DENND1A: variants seen among roughly 807,000 people sequenced by gnomAD.
The protein encoded by DENND1A is DENN domain containing 1A.
DENND1A carries 51 observed loss-of-function variants against 113.7 expected under a neutral mutation model. That is an observed-to-expected ratio of 0.45 (90% confidence interval 0.36 to 0.57). DENND1A has a LOEUF of 0.57. Ranked by LOEUF, DENND1A falls within the 20% of genes least tolerant of loss-of-function variation. The pLI is 0.00. For missense variants in DENND1A, 1,258 were observed against 1,395.9 expected (o/e 0.90, Z 1.57); for synonymous variants, 565 against 570.8 (o/e 0.99, Z 0.14).
intron 1 of DENND1A, among the ~76,000 whole-genome samples, chr9:123,906,550 C>A (rs1852885097): frequency 1.7e-5 from 1 of 57,772 alleles, no homozygotes; most frequent in Non-Finnish European, 2.9e-5. Context: ...CACAGAAATA[C>A]AAACTACCAT....
rs553758132 is a variant in DENND1A, at chr9:123,406,872, G to C, written c.1543-3382C>G. 2.0e-5 allele frequency among the ~76,000 whole-genome samples: 3 copies of C among 152,240 alleles called. No individual in the cohort carries two copies. In the East Asian group the frequency reaches 5.8e-4, roughly 29 times the overall value. On this transcript the variant is annotated intron_variant, in intron 20 of 23. Transcript: ENST00000394215. ...CTTTCAGGAAAGGTCAGACTTTAAG[G>C]CCTGTCAGCTCATCCTTGCACAGGG...
At chr9:123,612,902 A>G (rs1055099764) in intron 10 of DENND1A, among the ~76,000 whole-genome samples, 2 of 152,200 alleles carry the variant, frequency 1.3e-5, no homozygotes, top group East Asian at 1.9e-4. Flanking sequence ...GCAGCAGCAC[A>G]TGGTAGGGTT....
intron 19 of DENND1A, among the ~76,000 whole-genome samples, chr9:123,417,892 G>C (rs141814389): frequency 5.2e-4 from 79 of 152,026 alleles, no homozygotes; most frequent in African/African-American, 1.8e-3. Flanking sequence ...GATTGGGGGG[G>C]GGGCAGTGGT....
At chr9:123,396,268 T>C (rs938884006) in intron 21 of DENND1A, among the ~76,000 whole-genome samples, 5 of 152,200 alleles carry the variant, frequency 3.3e-5, no homozygotes, top group African/African-American at 4.8e-5. Flanking sequence ...GACATGCCCA[T>C]AGCCTCCAGG....
chr9:123,586,452 C>T (rs2059167805), intron 11 of DENND1A, among the ~76,000 whole-genome samples: 2 of 152,148 alleles, frequency 1.3e-5, no homozygotes, highest in African/African-American at 2.4e-5. Flanking sequence ...TGGCAGCAGG[C>T]TGAAGAATAG....
intron 2 of DENND1A, among the ~76,000 whole-genome samples, chr9:123,854,833 T>G (rs1446768110): frequency 6.6e-6 from 1 of 151,200 alleles, no homozygotes; most frequent in Non-Finnish European, 1.5e-5. Flanking sequence ...TATCTTCATC[T>G]TATCAGCTAC....
intron 2 of DENND1A, among the ~76,000 whole-genome samples, chr9:123,854,837 C>T (rs999611919): frequency 6.6e-6 from 1 of 151,080 alleles, no homozygotes; most frequent in Non-Finnish European, 1.5e-5. Flanking sequence ...TTCATCTTAT[C>T]AGCTACCGAG....
At chr9:123,904,562 G>A (rs1373804003) in intron 1 of DENND1A, among the ~76,000 whole-genome samples, 6 of 146,824 alleles carry the variant, frequency 4.1e-5, no homozygotes, top group East Asian at 1.9e-4. Context: ...CGAGAACTAC[G>A]TGAAGAATGC....
At chr9:123,416,113 C>T (rs182242848) in intron 19 of DENND1A, among the ~76,000 whole-genome samples, 6 of 152,218 alleles carry the variant, frequency 3.9e-5, no homozygotes, top group Admixed American at 2.6e-4. Flanking sequence ...GTGTGAGGCC[C>T]GAGAGGACGG....
At chr9:123,407,114 G>C (rs983483973) in intron 20 of DENND1A, among the ~76,000 whole-genome samples, 1 of 142,766 alleles carries the variant, frequency 7.0e-6, no homozygotes, top group African/African-American at 2.5e-5. Flanking sequence ...GGGATCGGTG[G>C]AGGAGACTGC....
intron 23 of DENND1A, among the ~76,000 whole-genome samples, chr9:123,383,330 G>A (rs116578876): frequency 0.015 from 2,319 of 152,318 alleles, 57 homozygotes; most frequent in African/African-American, 0.053. Flanking sequence ...AGGGATGGAC[G>A]CAATCCCGGT....
Position 123,440,380 on chromosome 9 carries a change from T to G in DENND1A, c.1468A>C (p.Ile490Leu). Reference protein sequence around the residue: ...DPKLREDRRPITVHFGQLQRL... With the variant: ...DPKLREDRRPLTVHFGQLQRL... ...CACACCTGTCCAAAGTGGACTGTGA[T>G]TGGCCGCCGGTCTTCTCGGAGCTTG... Residue 490 changes from isoleucine to leucine, a missense_variant, in exon 19 of 24, where the codon ATC (isoleucine) becomes CTC (leucine). Physicochemically the swap from Ile to Leu is conservative, Grantham distance 5 (BLOSUM62 2). Around this residue, in one of 2 missense-constraint regions of DENND1A, gnomAD observed 1,159 missense variants for 1,231.7 expected, o/e 0.94. Transcript: ENST00000394215. 1 of 1,602,342 alleles carries G rather than the reference T, an allele frequency of 6.2e-7. No homozygotes were observed. Among genetic ancestry groups the G allele is most frequent in the African/African-American group, 1.4e-5 (1 of 73,530 alleles).
intron 5 of DENND1A, among the ~76,000 whole-genome samples, chr9:123,706,658 C>G (rs1415371138): frequency 2.0e-5 from 3 of 150,496 alleles, no homozygotes; most frequent in Non-Finnish European, 4.4e-5. Context: ...GTCGTCCCAG[C>G]TACTCGGGAG....
chr9:123,648,699 C>T (rs2062473185), intron 9 of DENND1A, among the ~76,000 whole-genome samples: 1 of 152,184 alleles, frequency 6.6e-6, no homozygotes. Flanking sequence ...TTTAAATAAG[C>T]CTTTCTCTAC....
intron 12 of DENND1A, among the ~76,000 whole-genome samples, chr9:123,568,818 G>A (rs1216951442): frequency 1.3e-5 from 2 of 152,190 alleles, no homozygotes; most frequent in Admixed American, 6.5e-5. Flanking sequence ...AACAAAACAG[G>A]AAGGGGGGTG....
intron 2 of DENND1A, among the ~76,000 whole-genome samples, chr9:123,830,911 A>AC: frequency 6.7e-6 from 1 of 150,272 alleles, no homozygotes; most frequent in Non-Finnish European, 1.5e-5. Context: ...CCAGAAAAGA[A>AC]TAGGAAATCC....
intron 3 of DENND1A, 85 bp downstream of exon 3, chr9:123,792,502 C>A: frequency 7.2e-7 from 1 of 1,398,426 alleles, no homozygotes; most frequent in Non-Finnish European, 9.8e-7. Flanking sequence ...TCATTTATCT[C>A]TTTCAGTAAA....
chr9:123,659,534 G>C (rs2063124941), intron 8 of DENND1A, among the ~76,000 whole-genome samples: 1 of 152,214 alleles, frequency 6.6e-6, no homozygotes. Flanking sequence ...GTTAAGACTA[G>C]AATTCTGGGA....
At chr9:123,458,565 G>C (rs1459322819) in intron 13 of DENND1A, among the ~76,000 whole-genome samples, 1 of 152,120 alleles carries the variant, frequency 6.6e-6, no homozygotes, top group Non-Finnish European at 1.5e-5. Context: ...TACCCCAAGG[G>C]CTATTTAGGG....
Sources: allele counts gnomAD v4.1 joint callset (sites outside exome capture counted in the v4.1 genomes callset), GRCh38; gene constraint gnomAD v4.1.1; regional missense constraint gnomAD v4.1.1; transcripts MANE v1.5; gene names NCBI Gene and HGNC (gene_info 2026-07-23, HGNC 2026-07-21).